Variants in HSF5 observed in about 807,000 individuals in gnomAD.
HSF5 encodes heat shock factor protein 5.
Under a neutral mutation model 50.8 loss-of-function variants are expected in HSF5, and 5 were observed. That is an observed-to-expected ratio of 0.10 (90% confidence interval 0.05 to 0.21). The LOEUF (loss-of-function observed/expected upper bound fraction) is 0.21. HSF5 is among the 10% of genes least tolerant of loss of function. HSF5 has a pLI of 1.00. For synonymous variants in HSF5, 307 were observed against 307.4 expected, an observed-to-expected ratio of 1.00 and a Z score of 0.02; for missense variants, 564 against 762.6, an observed-to-expected ratio of 0.74 and a Z score of 3.07.
chr17:58,435,203 G>C (rs1974411078), intron 5 of HSF5, among the ~76,000 whole-genome samples: 1 of 152,148 alleles, frequency 6.6e-6, no homozygotes, highest in African/African-American at 2.4e-5. Flanking sequence ...GGAATATATT[G>C]ACTAGAAAAT....
At position 58,422,052 on chromosome 17, in the gene HSF5, G is replaced by A; in HGVS notation, c.*308C>T. On this transcript the variant is annotated 3_prime_UTR_variant, in exon 6 of 6. Coordinates refer to ENST00000323777, the MANE Select transcript of HSF5 (RefSeq NM_001080439.3). ...CACACAGATTATTCTTAGTACCATA[G>A]ATGGAGCAGTTTTTAGATGCTCCTT... The A allele has an allele frequency of 3.6e-6, 1 of 274,014 alleles. No individual in the cohort carries two copies. The highest frequency in any genetic ancestry group is 7.0e-6 in the Non-Finnish European group (1 of 142,440). 17.0% of individuals were successfully genotyped at this position (274,014 alleles called of 1,614,324 possible). A position where few individuals can be genotyped will look rare whatever the true frequency, so the allele number is the denominator to read the frequency against.
intron 5 of HSF5, among the ~76,000 whole-genome samples, chr17:58,424,854 A>T (rs924100158): frequency 7.9e-5 from 12 of 152,340 alleles, no homozygotes; most frequent in African/African-American, 2.9e-4. Context: ...GCATTAGGAT[A>T]AATGAAATAA....
chr17:58,453,539 A>G (rs1473496987), intron 5 of HSF5, among the ~76,000 whole-genome samples: 1 of 151,770 alleles, frequency 6.6e-6, no homozygotes, highest in Non-Finnish European at 1.5e-5. Flanking sequence ...GGTTGTGATG[A>G]GCTTAAGATC....
intron 4 of HSF5, among the ~76,000 whole-genome samples, chr17:58,459,286 C>T (rs1462731753): frequency 6.6e-6 from 1 of 151,938 alleles, no homozygotes; most frequent in African/African-American, 2.4e-5. Context: ...TCACTGTAAC[C>T]TCGAGCTCAT....
chr17:58,433,489 G>C (rs1663960912), intron 5 of HSF5, among the ~76,000 whole-genome samples: 2 of 152,090 alleles, frequency 1.3e-5, no homozygotes. Context: ...GCATGAGACT[G>C]GTTAAGATTA....
intron 5 of HSF5, 50 bp downstream of exon 5, chr17:58,458,718 T>A (rs1222516626): frequency 4.1e-6 from 6 of 1,462,646 alleles, no homozygotes; most frequent in Non-Finnish European, 5.6e-6. Context: ...CATATATTAA[T>A]TCTACAGCGT....
intron 5 of HSF5, among the ~76,000 whole-genome samples, chr17:58,425,714 C>T (rs544953961): frequency 2.2e-4 from 33 of 150,852 alleles, no homozygotes; most frequent in African/African-American, 8.0e-4. Context: ...CATAACATCT[C>T]TTTTTCAAGT....
intron 1 of HSF5, among the ~76,000 whole-genome samples, 160 bp downstream of exon 1, chr17:58,487,565 G>A (rs939762524): frequency 2.0e-5 from 3 of 152,242 alleles, no homozygotes; most frequent in Non-Finnish European, 4.4e-5. Context: ...GGCGGCGGTG[G>A]CGGGACCGCC....
chr17:58,471,211 T>C (rs189437685), intron 2 of HSF5, among the ~76,000 whole-genome samples: 11 of 152,364 alleles, frequency 7.2e-5, no homozygotes, highest in Non-Finnish European at 1.3e-4. Context: ...TTAAGTTTTA[T>C]GTTATGCATA....
At chr17:58,462,698 G>C in intron 4 of HSF5, 84 bp downstream of exon 4, 1 of 1,330,276 alleles carries the variant, frequency 7.5e-7, no homozygotes, top group Middle Eastern at 1.9e-4. Flanking sequence ...AATAAAATCT[G>C]AACAAACTCT....
chr17:58,435,867 G>A (rs1356616146), intron 5 of HSF5, among the ~76,000 whole-genome samples: 3 of 136,208 alleles, frequency 2.2e-5, no homozygotes, highest in South Asian at 2.3e-4. Context: ...CCACTGCACC[G>A]CAGCCTGGGC....
At position 58,455,836 on chromosome 17, in the gene HSF5, A is replaced by G. The variant is rs549207210; in HGVS notation, c.1720+2932T>C. Among the ~76,000 whole-genome samples the G allele has an allele frequency of 7.9e-5, 12 of 152,270 alleles. No homozygotes were observed. In the East Asian group the frequency reaches 1.5e-3, roughly 20 times the overall value. ...TTATAAAAAAGACAAAAAATAACAA[A>G]TGCTGGCAAAGATGCAGAGAAAAGG... On this transcript the variant is annotated intron_variant, in intron 5 of 5. Transcript: ENST00000323777.
At chr17:58,460,505 A>ACT (rs1490754603) in intron 4 of HSF5, among the ~76,000 whole-genome samples, 1 of 126,318 alleles carries the variant, frequency 7.9e-6, no homozygotes, top group Non-Finnish European at 1.7e-5. Context: ...ACACACACAC[A>ACT]CACACATACT....
intron 5 of HSF5, among the ~76,000 whole-genome samples, chr17:58,440,745 A>C (rs185627013): frequency 2.0e-4 from 30 of 152,306 alleles, no homozygotes; most frequent in Admixed American, 1.9e-3. Context: ...TTGGCAGATA[A>C]CTAGAAACTC....
At position 58,480,226 on chromosome 17, in the gene HSF5, C is replaced by T. The variant is rs1163375581; in HGVS notation, c.592G>A (p.Asp198Asn). ...ACACAGGAGTAAGGAGACAAACTAT[C>T]TCGACGAAATGACCGGTGAAATTGT... ...VGQFHRSFRR[D>N]SLSPYSCVST... is the part of the protein sequence containing the mutation. Residue 198 changes from aspartate (D) to asparagine (N), a missense_variant, in exon 2 of 6, where the codon GAT (aspartate) becomes AAT (asparagine). Coordinates refer to ENST00000323777, the MANE Select transcript of HSF5 (RefSeq NM_001080439.3). 4 of 1,612,592 alleles carry T rather than the reference C, an allele frequency of 2.5e-6. No homozygotes were observed. Among genetic ancestry groups the T allele is most frequent in the Non-Finnish European group, 3.4e-6 (4 of 1,179,220 alleles).
chr17:58,485,841 C>T (rs772212539), intron 1 of HSF5, among the ~76,000 whole-genome samples: 8 of 151,786 alleles, frequency 5.3e-5, no homozygotes, highest in Non-Finnish European at 1.0e-4. Flanking sequence ...CCAAGATGGG[C>T]GGATCACCTG....
chr17:58,487,836 G>A lies in HSF5; in HGVS notation c.439C>T (p.Arg147Cys). The A allele has an allele frequency of 6.3e-7, 1 of 1,582,562 alleles. No homozygotes were observed. The change falls in exon 1 of 6, where the codon CGC (arginine) becomes TGC (cysteine). Residue 147 changes from arginine to cysteine, a missense_variant. By Grantham distance (180) the Arg-to-Cys change is radical. Transcript: ENST00000323777. Reference protein sequence around the residue: ...KLAAGLEVPCRPPNRFQRLLI... With the variant: ...KLAAGLEVPCCPPNRFQRLLI... The stretch of plus-strand genomic sequence containing the variant: ...AGCCGCTGGAAGCGGTTGGGCGGGC[G>A]GCAGGGCACCTCCAGGCCGGCCGCC...
chr17:58,459,073 C>T (rs1823382993), intron 4 of HSF5, 128 bp from the exon 5 acceptor site: 4 of 771,600 alleles, frequency 5.2e-6, no homozygotes, highest in Non-Finnish European at 8.5e-6. Flanking sequence ...GCTTTTCATT[C>T]TTATTATTGA....
At chr17:58,473,900 C>T (rs575378972) in intron 2 of HSF5, among the ~76,000 whole-genome samples, 1 of 152,058 alleles carries the variant, frequency 6.6e-6, no homozygotes, top group East Asian at 1.9e-4. Context: ...GTCTTGCTCG[C>T]AATGGCACAA....
Sources: gnomAD v4.1 joint callset for allele counts (sites outside exome capture counted in the v4.1 genomes callset) on GRCh38, gnomAD v4.1.1 for gene constraint, MANE v1.5 for transcripts, NCBI Gene and HGNC (gene_info 2026-07-23, HGNC 2026-07-21) for gene names.